Variants in PDE10A observed in about 807,000 individuals in gnomAD.
PDE10A encodes phosphodiesterase 10A, also known as cAMP and cAMP-inhibited cGMP 3',5'-cyclic phosphodiesterase 10A.
PDE10A carries 39 observed loss-of-function variants against 97.7 expected under a neutral mutation model. The observed-to-expected ratio is 0.40, with a 90% confidence interval of 0.31 to 0.52. The LOEUF is 0.52. PDE10A is among the 20% of genes least tolerant of loss of function. The pLI is 0.56. For missense variants in PDE10A, 731 were observed against 1,047.8 expected, an observed-to-expected ratio of 0.70 and a Z score of 4.17; for synonymous variants, 371 against 376.8, an observed-to-expected ratio of 0.98 and a Z score of 0.18.
At chr6:165,478,409 GA>G (rs1419810717) in intron 3 of PDE10A, among the ~76,000 whole-genome samples, 18 of 152,228 alleles carry the variant, frequency 1.2e-4, no homozygotes, top group African/African-American at 4.3e-4. Flanking sequence ...TGATGGGGGG[GA>G]GGGGGTTGGA....
At chr6:165,808,241 G>C (rs139115269) in intron 1 of PDE10A, among the ~76,000 whole-genome samples, 1 of 152,236 alleles carries the variant, frequency 6.6e-6, no homozygotes, top group Non-Finnish European at 1.5e-5. Flanking sequence ...GACACAGCTT[G>C]TGAGCATGTG....
chr6:165,943,594 C>T (rs367917121), intron 1 of PDE10A, among the ~76,000 whole-genome samples: 88 of 152,242 alleles, frequency 5.8e-4, no homozygotes, highest in Non-Finnish European at 8.7e-4. Context: ...GTTCCAGGGC[C>T]GGAGAAGATG....
At chr6:165,503,045 T>C (rs1337047624) in intron 2 of PDE10A, among the ~76,000 whole-genome samples, 1 of 152,156 alleles carries the variant, frequency 6.6e-6, no homozygotes, top group African/African-American at 2.4e-5. Flanking sequence ...GAAAAGTGTG[T>C]CTTCTCCATA....
At chr6:165,848,258 C>T (rs914172646) in intron 1 of PDE10A, among the ~76,000 whole-genome samples, 2 of 152,124 alleles carry the variant, frequency 1.3e-5, no homozygotes, top group African/African-American at 2.4e-5. Flanking sequence ...ACCAGGATGG[C>T]GAGCAACATG....
At chr6:165,452,570 C>T (rs1178464685) in intron 3 of PDE10A, among the ~76,000 whole-genome samples, 2 of 152,150 alleles carry the variant, frequency 1.3e-5, no homozygotes, top group African/African-American at 4.8e-5. Context: ...TTGCTCTTCT[C>T]CTTTCTGCCA....
chr6:165,718,531 G>C (rs1792083303), intron 1 of PDE10A, among the ~76,000 whole-genome samples: 1 of 152,122 alleles, frequency 6.6e-6, no homozygotes, highest in Non-Finnish European at 1.5e-5. Flanking sequence ...GATGCAATGA[G>C]AATCAACATA....
intron 1 of PDE10A, among the ~76,000 whole-genome samples, chr6:165,730,043 A>G (rs1365801587): frequency 6.6e-6 from 1 of 152,202 alleles, no homozygotes; most frequent in African/African-American, 2.4e-5. Context: ...TTGGAGATAT[A>G]TACGTATATG....
chr6:165,676,021 G>A (rs906221340), intron 1 of PDE10A, among the ~76,000 whole-genome samples: 2 of 152,176 alleles, frequency 1.3e-5, no homozygotes, highest in Non-Finnish European at 2.9e-5. Context: ...TAAGGAAAGT[G>A]TCGTATACAT....
intron 10 of PDE10A, among the ~76,000 whole-genome samples, chr6:165,421,588 C>T (rs759710432): frequency 2.7e-4 from 41 of 152,136 alleles, no homozygotes; most frequent in Non-Finnish European, 2.8e-4. Context: ...AACAAAATCG[C>T]TGCCTTAAGA....
chr6:165,387,907 AAG>A (rs766100208), intron 17 of PDE10A, among the ~76,000 whole-genome samples: 82 of 152,316 alleles, frequency 5.4e-4, no homozygotes, highest in Non-Finnish European at 1.0e-3. Flanking sequence ...AGTGTAAAAA[AAG>A]AAAGGCTACA....
intron 1 of PDE10A, among the ~76,000 whole-genome samples, chr6:165,670,460 A>G (rs570838114): frequency 1.3e-5 from 2 of 152,346 alleles, no homozygotes; most frequent in African/African-American, 2.4e-5. Context: ...ATAAAGGAAC[A>G]TCATTAACTT....
rs113249353 is a variant in PDE10A, at chr6:165,654,655, T to C, written c.865+7292A>G. On this transcript the variant is annotated intron_variant, in intron 1 of 21. Transcript: ENST00000539869. ...AGCAAATCAACATTCCCAAGTCAAT[T>C]CTCCATGCAGAAAAAGGCAGCATCT... Among the ~76,000 whole-genome samples the C allele has an allele frequency of 9.2e-3, 1,390 of 151,714 alleles. 26 individuals carry two copies. The highest frequency in any genetic ancestry group is 0.032 in the African/African-American group (1,327 of 41,148).
chr6:165,741,852 A>G (rs1792734161), intron 1 of PDE10A, among the ~76,000 whole-genome samples: 1 of 152,236 alleles, frequency 6.6e-6, no homozygotes, highest in Non-Finnish European at 1.5e-5. Context: ...TAAATTTACA[A>G]GATCACAAAC....
chr6:165,384,686 A>T (rs13202475), intron 17 of PDE10A, among the ~76,000 whole-genome samples: 5 of 127,754 alleles, frequency 3.9e-5, no homozygotes, highest in South Asian at 2.5e-4. Flanking sequence ...GGGGGCGACT[A>T]AAGGTTAGCT....
At chr6:165,626,509 AAGAG>A (rs1788392642) in intron 1 of PDE10A, among the ~76,000 whole-genome samples, 2 of 152,348 alleles carry the variant, frequency 1.3e-5, no homozygotes, top group African/African-American at 4.8e-5. Flanking sequence ...TAACCTAACA[AAGAG>A]AGAAGATGTT....
At chr6:165,905,981 CTCCTTCCTTCCTTCCT>C (rs1159735811) in intron 1 of PDE10A, among the ~76,000 whole-genome samples, 1 of 92,532 alleles carries the variant, frequency 1.1e-5, no homozygotes, top group African/African-American at 3.8e-5. Flanking sequence ...TTCCCTTTTT[CTCCTTCCTTCCTTCCT>C]TCCTTCCTTC....
chr6:165,395,298 G>T, intron 14 of PDE10A, 34 bp from the exon 15 acceptor site: 2 of 1,381,700 alleles, frequency 1.4e-6, no homozygotes, highest in African/African-American at 1.4e-5. Flanking sequence ...ATCACTAAAC[G>T]TGATTAGAAT....
At chr6:165,668,155 C>A (rs1030793349), upstream of PDE10A, among the ~76,000 whole-genome samples, 1 of 152,018 alleles carries the variant, frequency 6.6e-6, no homozygotes, top group Admixed American at 6.5e-5. Context: ...GAATAATAAG[C>A]CTAAAAGACA....
rs866285874 is a variant in PDE10A, at chr6:165,906,023, C to T, written c.-615+81506G>A. ...TCCTTCCTTCCTTCCTTCCCTCCCT[C>T]CCTTCCTTCCTTCCTTCCTTCCTTC... On this transcript the variant is annotated intron_variant, in intron 1 of 19. Coordinates refer to the PDE10A transcript ENST00000366882. Among the ~76,000 whole-genome samples, 53 of 13,696 alleles carry T rather than the reference C, an allele frequency of 3.9e-3. 6 individuals carry two copies. The highest frequency in any genetic ancestry group is 0.01 in the African/African-American group (24 of 2,388). The allele number at this position is 13,696 out of a possible 152,430, so 9.0% of individuals were successfully genotyped here.
Sources: allele counts gnomAD v4.1 joint callset (sites outside exome capture counted in the v4.1 genomes callset), GRCh38; gene constraint gnomAD v4.1.1; transcripts MANE v1.5; gene names NCBI Gene and HGNC (gene_info 2026-07-23, HGNC 2026-07-21).